VTI1A: variants seen among roughly 807,000 people sequenced by gnomAD.
VTI1A encodes vesicle transport through interaction with t-SNAREs homolog 1A.
A neutral mutation model predicts 34.9 loss-of-function variants in VTI1A; 22 were observed. The ratio of observed to expected loss-of-function variants is 0.63; its 90% CI spans 0.45 to 0.90. The LOEUF (loss-of-function observed/expected upper bound fraction) is 0.90, where lower values mean the gene tolerates loss of function less well. VTI1A is among the 40% of genes least tolerant of loss of function. The pLI is 0.00. For missense variants in VTI1A, 268 were observed against 275.6 expected (o/e 0.97, Z 0.20); for synonymous variants, 87 against 97.3 (o/e 0.89, Z 0.62).
Position 112,706,294 on chromosome 10 carries a change from G to C in VTI1A, c.560+37296G>C, listed in dbSNP as rs147320161. ...AGTGGAGGGCAGCCCAGTCATCATA[G>C]CCATAGGGATAAAGGGAGTGGACAC... is the stretch of plus-strand genomic sequence containing the variant. On this transcript the variant is annotated intron_variant, in intron 7 of 7. Coordinates refer to ENST00000393077, the MANE Select transcript of VTI1A (RefSeq NM_145206.4). 1.2e-3 allele frequency among the ~76,000 whole-genome samples: 177 copies of C among 152,300 alleles called. 1 individual carries two copies. Among genetic ancestry groups the C allele is most frequent in the African/African-American group, 3.9e-3 (161 of 41,578 alleles).
the VTI1A span, among the ~76,000 whole-genome samples, chr10:112,828,870 CCACA>C: frequency 8.1e-5 from 12 of 147,510 alleles, no homozygotes; most frequent in Non-Finnish European, 1.8e-4. Flanking sequence ...AAAAAACAAA[CCACA>C]CACACATAAG....
chr10:112,475,514 T>C (rs149234092), intron 3 of VTI1A, among the ~76,000 whole-genome samples: 1,724 of 152,352 alleles, frequency 0.011, 14 homozygotes, highest in Admixed American at 0.019. Flanking sequence ...ATTTTTGCTA[T>C]GACTTTATGG....
chr10:112,791,162 G>A (rs567172744), intron 7 of VTI1A, among the ~76,000 whole-genome samples: 2 of 152,256 alleles, frequency 1.3e-5, no homozygotes, highest in South Asian at 4.1e-4. Flanking sequence ...CCTGTTTTTG[G>A]CGGAACTGTT....
intron 7 of VTI1A, among the ~76,000 whole-genome samples, chr10:112,722,532 A>G: frequency 6.6e-6 from 1 of 152,320 alleles, no homozygotes; most frequent in Non-Finnish European, 1.5e-5. Flanking sequence ...AAACATTTTT[A>G]AAAAAAGATT....
At chr10:112,678,559 G>T (rs1383901070) in intron 7 of VTI1A, among the ~76,000 whole-genome samples, 6 of 152,112 alleles carry the variant, frequency 3.9e-5, no homozygotes, top group Non-Finnish European at 7.4e-5. Context: ...TTTATAAATC[G>T]AGAGTTAGGG....
chr10:112,805,145 T>G (rs1290135309), intron 7 of VTI1A, among the ~76,000 whole-genome samples: 1 of 151,878 alleles, frequency 6.6e-6, no homozygotes. Flanking sequence ...GAGATTACAG[T>G]CGTGAGCCAC....
chr10:112,726,595 A>G (rs1850035928), intron 7 of VTI1A, among the ~76,000 whole-genome samples: 1 of 152,196 alleles, frequency 6.6e-6, no homozygotes, highest in Non-Finnish European at 1.5e-5. Context: ...TTGCCAGGTA[A>G]TGAAAAAGTG....
At chr10:112,852,762 T>A in the VTI1A span, among the ~76,000 whole-genome samples, 1 of 152,092 alleles carries the variant, frequency 6.6e-6, no homozygotes, top group Non-Finnish European at 1.5e-5. Flanking sequence ...CTGTCTTTCT[T>A]GGTTTTGTTT....
At chr10:112,552,435 A>G (rs1851392120) in intron 5 of VTI1A, among the ~76,000 whole-genome samples, 1 of 151,652 alleles carries the variant, frequency 6.6e-6, no homozygotes, top group Non-Finnish European at 1.5e-5. Context: ...GAAACCAACA[A>G]ACCAACCAAC....
chr10:112,484,646 CT>C (rs1429776249), intron 3 of VTI1A, among the ~76,000 whole-genome samples: 8 of 152,096 alleles, frequency 5.3e-5, no homozygotes, highest in Non-Finnish European at 7.4e-5. Flanking sequence ...GTTATGAGAT[CT>C]TCAAGAGAGG....
At chr10:112,532,844 CTT>C (rs945354016) in intron 4 of VTI1A, among the ~76,000 whole-genome samples, 1 of 151,988 alleles carries the variant, frequency 6.6e-6, no homozygotes, top group African/African-American at 2.4e-5. Flanking sequence ...GTGGTAGCCT[CTT>C]AAGCAAAATA....
At chr10:112,521,745 A>C (rs557947810) in intron 3 of VTI1A, among the ~76,000 whole-genome samples, 2 of 152,184 alleles carry the variant, frequency 1.3e-5, no homozygotes, top group East Asian at 3.9e-4. Flanking sequence ...TACCTAAGCC[A>C]TGTAGTATGA....
the VTI1A span, among the ~76,000 whole-genome samples, chr10:112,835,362 G>A: frequency 9.2e-5 from 14 of 152,288 alleles, no homozygotes; most frequent in Middle Eastern, 6.8e-3. Flanking sequence ...TTAGACACGG[G>A]CCTCAGGTCA....
At chr10:112,625,506 G>A (rs962196396) in intron 5 of VTI1A, among the ~76,000 whole-genome samples, 2 of 152,016 alleles carry the variant, frequency 1.3e-5, no homozygotes, top group Non-Finnish European at 2.9e-5. Context: ...CGGGCATGGC[G>A]GCACATGCCT....
At chr10:112,832,251 C>T in the VTI1A span, 7 of 152,040 alleles carry the variant, frequency 4.6e-5, no homozygotes, top group Non-Finnish European at 1.0e-4. Context: ...GCTGGTAGGT[C>T]GGATTACACT....
intron 7 of VTI1A, among the ~76,000 whole-genome samples, chr10:112,696,622 G>A (rs1449502340): frequency 1.3e-5 from 2 of 152,164 alleles, no homozygotes; most frequent in African/African-American, 2.4e-5. Context: ...AAACCTATGA[G>A]CAACTTTCCT....
intron 1 of VTI1A, among the ~76,000 whole-genome samples, chr10:112,459,229 ACTATATCTCTCTCT>A (rs1264748688): frequency 3.3e-5 from 5 of 152,230 alleles, no homozygotes; most frequent in African/African-American, 1.2e-4. Flanking sequence ...CCAGGAACTA[ACTATATCTCTCTCT>A]CTCTGTCTCT....
Position 112,591,475 on chromosome 10 carries a change from G to A in VTI1A, c.427+53145G>A, listed in dbSNP as rs185842593. ...GCGGAGCTTGCAGTGAGCAGAGATC[G>A]CACCACTGCACTCCAGCCTGGGTGA... is the stretch of plus-strand genomic sequence containing the variant. On this transcript the variant is annotated intron_variant, in intron 5 of 7. Transcript: ENST00000393077. 3.7e-4 allele frequency among the ~76,000 whole-genome samples: 56 copies of A among 152,066 alleles called. 1 individual carries two copies. The highest frequency in any genetic ancestry group is 1.8e-3 in the Admixed American group (27 of 15,276).
intron 7 of VTI1A, among the ~76,000 whole-genome samples, chr10:112,723,684 T>C (rs781537392): frequency 7.9e-5 from 12 of 152,206 alleles, no homozygotes; most frequent in African/African-American, 1.2e-4. Context: ...AGTGTCCTAA[T>C]CGTTTAAAAA....
Sources: allele counts gnomAD v4.1 joint callset (sites outside exome capture counted in the v4.1 genomes callset), GRCh38; gene constraint gnomAD v4.1.1; transcripts MANE v1.5; gene names NCBI Gene and HGNC (gene_info 2026-07-23, HGNC 2026-07-21).